The following TENM2 variants were observed in gnomAD, a reference collection of about 807,000 sequenced individuals.
TENM2 encodes teneurin transmembrane protein 2.
In TENM2, 52 loss-of-function variants were observed where a neutral mutation model predicts 245.2. The ratio of observed to expected loss-of-function variants is 0.21; its 90% CI spans 0.17 to 0.27. The LOEUF (loss-of-function observed/expected upper bound fraction) is 0.27. Among genes scored for constraint, TENM2 ranks in the 10% least tolerant of loss-of-function variants. The pLI is 1.00. For missense variants in TENM2, 3,046 were observed against 3,666.8 expected, an observed-to-expected ratio of 0.83 and a Z score of 4.37; for synonymous variants, 1,363 against 1,438.9, an observed-to-expected ratio of 0.95 and a Z score of 1.19.
chr5:167,875,262 A>T (rs1773322819), intron 2 of TENM2, among the ~76,000 whole-genome samples: 1 of 152,068 alleles, frequency 6.6e-6, no homozygotes, highest in Non-Finnish European at 1.5e-5. Flanking sequence ...AAGGTGTTGT[A>T]GTTGGGGGTT....
chr5:167,905,556 T>C (rs1466425732), intron 3 of TENM2, among the ~76,000 whole-genome samples: 1 of 152,196 alleles, frequency 6.6e-6, no homozygotes, highest in African/African-American at 2.4e-5. Context: ...GAAATCCCTA[T>C]GAGACCTTTT....
At chr5:167,661,137 G>A (rs1054917294) in intron 2 of TENM2, among the ~76,000 whole-genome samples, 2 of 152,110 alleles carry the variant, frequency 1.3e-5, no homozygotes, top group South Asian at 4.1e-4. Context: ...ACTGTCCCTG[G>A]AATACTAACA....
At chr5:167,890,197 A>G (rs181899209) in intron 3 of TENM2, among the ~76,000 whole-genome samples, 1 of 152,238 alleles carries the variant, frequency 6.6e-6, no homozygotes, top group Non-Finnish European at 1.5e-5. Flanking sequence ...ACTTTCAAAT[A>G]TCATGATTCT....
chr5:167,314,792 A>G (rs969486261), intron 1 of TENM2, among the ~76,000 whole-genome samples: 48 of 152,226 alleles, frequency 3.2e-4, no homozygotes, highest in African/African-American at 1.1e-3. Context: ...ATATATATTA[A>G]TGATATACAC....
intron 7 of TENM2, among the ~76,000 whole-genome samples, chr5:168,065,540 A>T (rs1790420880): frequency 6.6e-6 from 1 of 152,206 alleles, no homozygotes; most frequent in Non-Finnish European, 1.5e-5. Flanking sequence ...GAAAGCTATG[A>T]TATATGAGTG....
At chr5:167,142,573 C>T in the TENM2 span, among the ~76,000 whole-genome samples, 826 of 152,064 alleles carry the variant, frequency 5.4e-3, 6 homozygotes, top group African/African-American at 0.016. Flanking sequence ...TATATTGAGA[C>T]GGAGTCTCAC....
At chr5:167,555,969 A>T (rs1773237784) in intron 2 of TENM2, among the ~76,000 whole-genome samples, 1 of 152,104 alleles carries the variant, frequency 6.6e-6, no homozygotes, top group Non-Finnish European at 1.5e-5. Flanking sequence ...TAGTTCTCAA[A>T]TCCTATGTTT....
intron 1 of TENM2, among the ~76,000 whole-genome samples, chr5:167,357,407 C>T (rs949097843): frequency 5.9e-5 from 9 of 151,696 alleles, no homozygotes; most frequent in East Asian, 5.8e-4. Context: ...CTCAGCCTCC[C>T]GAGTAGCTGG....
intron 2 of TENM2, among the ~76,000 whole-genome samples, chr5:167,445,334 T>TAGGGAGAGAG (rs1380778783): frequency 2.3e-5 from 2 of 86,328 alleles, no homozygotes; most frequent in African/African-American, 4.7e-5. Flanking sequence ...TATATATATA[T>TAGGGAGAGAG]ATAGAGAGAG....
Position 167,362,569 on chromosome 5 carries a change from A to C in TENM2, c.227-12629A>C, listed in dbSNP as rs373405159. 3.3e-5 allele frequency among the ~76,000 whole-genome samples: 5 copies of C among 152,196 alleles called. No homozygotes were observed. The East Asian group carries it at 9.6e-4, about 29-fold the overall frequency. On this transcript the variant is annotated intron_variant, in intron 1 of 28. Transcript: ENST00000518659. ...GTGATAGGAAAGTCAAAGTGTTTTC[A>C]AAACATCAAGCACATGATGGAAATA...
At chr5:167,952,912 G>T in intron 4 of TENM2, 90 bp downstream of exon 6, 1 of 1,056,656 alleles carries the variant, frequency 9.5e-7, no homozygotes, top group Non-Finnish European at 1.4e-6. Flanking sequence ...CAGAGTTCCA[G>T]TCGGAGAGAC....
At chr5:167,812,125 CATAA>C (rs1013975821) in intron 2 of TENM2, among the ~76,000 whole-genome samples, 2 of 152,036 alleles carry the variant, frequency 1.3e-5, no homozygotes, top group Non-Finnish European at 2.9e-5. Context: ...TAGTAAACTT[CATAA>C]ATAAAGACTT....
the TENM2 span, among the ~76,000 whole-genome samples, chr5:167,150,792 C>A: frequency 6.4e-4 from 98 of 152,236 alleles, no homozygotes; most frequent in Admixed American, 2.0e-3. Flanking sequence ...CTGGATAACA[C>A]AAAAGCTCAT....
chr5:168,089,721 A>T (rs1792758848), intron 7 of TENM2, among the ~76,000 whole-genome samples: 1 of 152,210 alleles, frequency 6.6e-6, no homozygotes. Context: ...TCTGAGCCTC[A>T]GCTTTCTTAT....
chr5:167,745,724 T>C (rs1357602940), intron 2 of TENM2, among the ~76,000 whole-genome samples: 2 of 152,220 alleles, frequency 1.3e-5, no homozygotes, highest in Admixed American at 6.5e-5. Flanking sequence ...CTTGTCTCTA[T>C]AAAAGTGAGG....
chr5:167,514,373 C>T (rs541032546), intron 2 of TENM2, among the ~76,000 whole-genome samples: 1 of 152,162 alleles, frequency 6.6e-6, no homozygotes, highest in African/African-American at 2.4e-5. Flanking sequence ...ACTTCCTAAG[C>T]TCTCTGCTGT....
At chr5:167,840,545 C>T (rs903726145) in intron 2 of TENM2, among the ~76,000 whole-genome samples, 2 of 152,024 alleles carry the variant, frequency 1.3e-5, no homozygotes, top group Admixed American at 6.6e-5. Context: ...CTCCTTCCTC[C>T]CCCAGCCCCC....
At chr5:167,864,953 A>G (rs1490938408) in intron 2 of TENM2, among the ~76,000 whole-genome samples, 2 of 152,210 alleles carry the variant, frequency 1.3e-5, no homozygotes, top group South Asian at 2.1e-4. Flanking sequence ...ATTCCTTTGC[A>G]TCGTGGAACA....
At chr5:167,006,712 G>A in the TENM2 span, among the ~76,000 whole-genome samples, 2 of 151,490 alleles carry the variant, frequency 1.3e-5, no homozygotes, top group Non-Finnish European at 2.9e-5. Flanking sequence ...TGTTGCCCAG[G>A]TTGGTGTGCA....
Sources: allele counts gnomAD v4.1 joint callset (sites outside exome capture counted in the v4.1 genomes callset), GRCh38; gene constraint gnomAD v4.1.1; transcripts MANE v1.5; gene names NCBI Gene and HGNC (gene_info 2026-07-23, HGNC 2026-07-21).